DECR1: variants seen among roughly 807,000 people sequenced by gnomAD.
DECR1 encodes the protein 2,4-dienoyl-CoA reductase [(3E)-enoyl-CoA-producing], mitochondrial.
In DECR1, 44 loss-of-function variants were observed where a neutral mutation model predicts 38.8. The ratio of observed to expected loss-of-function variants is 1.13; its 90% confidence interval spans 0.89 to 1.46. The LOEUF (loss-of-function observed/expected upper bound fraction) is 1.46, where lower values mean the gene tolerates loss of function less well. Among genes scored for constraint, DECR1 ranks in the 40% most tolerant of loss-of-function variants. DECR1 has a pLI of 0.00. For synonymous variants in DECR1, 148 were observed against 135.2 expected, an observed-to-expected ratio of 1.09 and a Z score of -0.66; for missense variants, 428 against 405.5, an observed-to-expected ratio of 1.06 and a Z score of -0.48.
rs1813525318 is a variant in DECR1, at chr8:90,032,667, A to G, written c.566-4174A>G. On this transcript the variant is annotated intron_variant, in intron 5 of 9. Transcript: ENST00000220764. ...AACAAGAATATTTTGAAATAAGTAA[A>G]TAATCATGTAATATCTGTAATGTAA... 3.3e-5 allele frequency among the ~76,000 whole-genome samples: 5 copies of G among 152,182 alleles called. No individual in the cohort carries two copies. The South Asian group carries it at 1.0e-3, about 31-fold the overall frequency.
At chr8:90,051,112 A>G (rs1254812391) in intron 8 of DECR1, among the ~76,000 whole-genome samples, 1 of 152,042 alleles carries the variant, frequency 6.6e-6, no homozygotes, top group Non-Finnish European at 1.5e-5. Context: ...AACATGGCAC[A>G]TGTATACATA....
chr8:90,049,101 C>G (rs1331839390), intron 8 of DECR1, among the ~76,000 whole-genome samples: 2 of 152,124 alleles, frequency 1.3e-5, no homozygotes, highest in Non-Finnish European at 2.9e-5. Flanking sequence ...GGAAGCATTC[C>G]CTTTGAAAAC....
In DECR1 at chr8:90,051,692, G is replaced by C; in HGVS notation, c.901G>C (p.Gly301Arg). The C allele has an allele frequency of 6.2e-7, 1 of 1,611,970 alleles. No individual in the cohort carries two copies. The highest frequency in any genetic ancestry group is 1.1e-5 in the South Asian group (1 of 90,922). ...WINGAVIKFDGGEEVLISGEF... is the reference protein window; with the variant it reads ...WINGAVIKFDRGEEVLISGEF... ...TTTTTTCCAGGTCATTAAATTTGAC[G>C]GTGGAGAGGAAGTACTTATTTCAGG... The change falls in exon 9 of 10, where the codon GGT (glycine) becomes CGT (arginine). Residue 301 changes from glycine to arginine, a missense_variant. Coordinates refer to ENST00000220764, the MANE Select transcript of DECR1 (RefSeq NM_001359.2).
In DECR1 at chr8:90,044,887, G is replaced by A; in HGVS notation, c.777G>A (p.Glu259=). Reference sequence around the variant, plus strand: ...GTCTGGACCCAACTGGAACATTTGAGAAAGAAATGATTGGCAGAATTCCCT... The same window carrying A: ...GTCTGGACCCAACTGGAACATTTGAAAAAGAAATGATTGGCAGAATTCCCT... The part of the protein sequence containing the change: ...FSRLDPTGTF[E]KEMIGRIPCG... Residue 259 remains glutamate, a synonymous_variant, in exon 8 of 10, where the codon GAG becomes GAA. Coordinates refer to ENST00000220764, the MANE Select transcript of DECR1 (RefSeq NM_001359.2). 2 of 1,613,400 alleles carry A rather than the reference G, an allele frequency of 1.2e-6. No homozygotes were observed. The highest frequency in any genetic ancestry group is 1.7e-6 in the Non-Finnish European group (2 of 1,179,554).
At position 90,036,826 on chromosome 8, in the gene DECR1, C is replaced by T; in HGVS notation, c.566-15C>T. ...ATCTATATTGCTAATCAACTGTATC[C>T]TTTTAAAATTTCAGGAGCAGCATTT... On this transcript the variant is annotated splice_polypyrimidine_tract_variant and intron_variant, in intron 5 of 9. Transcript: ENST00000220764. 1.3e-6 allele frequency: 2 copies of T among 1,572,446 alleles called. No homozygotes were observed. The highest frequency in any genetic ancestry group is 1.7e-6 in the Non-Finnish European group (2 of 1,144,638).
At chr8:90,032,036 A>T (rs1475346016) in intron 5 of DECR1, among the ~76,000 whole-genome samples, 7 of 152,194 alleles carry the variant, frequency 4.6e-5, no homozygotes, top group Admixed American at 2.0e-4. Context: ...ATAATTTTAT[A>T]ATTCTGTTTT....
At chr8:90,003,946 A>T (rs1165505075) in intron 1 of DECR1, among the ~76,000 whole-genome samples, 2 of 152,056 alleles carry the variant, frequency 1.3e-5, no homozygotes, top group Non-Finnish European at 2.9e-5. Flanking sequence ...CATCTCAAAA[A>T]CAAAAAAATG....
intron 5 of DECR1, among the ~76,000 whole-genome samples, chr8:90,034,496 G>T (rs933461516): frequency 2.6e-5 from 4 of 152,034 alleles, no homozygotes; most frequent in Non-Finnish European, 5.9e-5. Context: ...TTGTCACCCA[G>T]ACTGGAGTGC....
At position 90,015,010 on chromosome 8, in the gene DECR1, G is replaced by T. The variant is rs554338516; in HGVS notation, c.70-2114G>T. On this transcript the variant is annotated intron_variant, in intron 1 of 9. Transcript: ENST00000220764. The stretch of plus-strand genomic sequence containing the variant: ...GAAGCTAAAATAAATATGATGACTG[G>T]CATGGAGCATAACAAGATTTACAAA... 1.1e-3 allele frequency among the ~76,000 whole-genome samples: 174 copies of T among 152,174 alleles called. 1 individual carries two copies. The highest frequency in any genetic ancestry group is 4.0e-3 in the African/African-American group (168 of 41,528).
Position 90,044,715 on chromosome 8 carries a change from A to G in DECR1, c.739-134A>G, listed in dbSNP as rs113136847. The G allele has an allele frequency of 9.5e-3, 7,762 of 814,838 alleles. 57 individuals are homozygous for G. The highest frequency in any genetic ancestry group is 0.012 in the South Asian group (391 of 33,530). The allele number at this position is 814,838 out of a possible 1,614,324, so 50.5% of individuals were successfully genotyped here. ...TTTTTTTTTAAGAATAATTTGGTGA[A>G]ATTCTTTTTTACTTACAAAGCCTAA... On this transcript the variant is annotated intron_variant, in intron 7 of 9. Coordinates refer to ENST00000220764, the MANE Select transcript of DECR1 (RefSeq NM_001359.2).
chr8:90,018,628 A>G, intron 2 of DECR1: 1 of 308,716 alleles, frequency 3.2e-6, no homozygotes, highest in Non-Finnish European at 6.1e-6. Flanking sequence ...CCATGAATAT[A>G]TTTTCTTTGT....
intron 8 of DECR1, among the ~76,000 whole-genome samples, chr8:90,049,578 A>G (rs1368905476): frequency 1.3e-5 from 2 of 152,180 alleles, no homozygotes; most frequent in Non-Finnish European, 2.9e-5. Flanking sequence ...GGAAGAATCA[A>G]TGTGTGAAAA....
intron 1 of DECR1, 60 bp downstream of exon 1, chr8:90,001,621 G>C (rs570829481): frequency 2.0e-6 from 3 of 1,507,602 alleles, no homozygotes; most frequent in Non-Finnish European, 2.7e-6. Flanking sequence ...AAAGAGAGAG[G>C]ACAGGGCGTC....
intron 5 of DECR1, among the ~76,000 whole-genome samples, chr8:90,033,617 A>C (rs534330999): frequency 6.6e-6 from 1 of 152,308 alleles, no homozygotes; most frequent in Non-Finnish European, 1.5e-5. Context: ...GTGCAGTTTC[A>C]AACCTTTATC....
chr8:90,046,643 C>A (rs1264985934), intron 8 of DECR1, among the ~76,000 whole-genome samples: 1 of 152,156 alleles, frequency 6.6e-6, no homozygotes, highest in Non-Finnish European at 1.5e-5. Flanking sequence ...ATTTCCCCAA[C>A]CTACCAACGC....
At chr8:90,022,399 C>T (rs375888130) in intron 5 of DECR1, among the ~76,000 whole-genome samples, 13 of 152,268 alleles carry the variant, frequency 8.5e-5, no homozygotes, top group South Asian at 6.2e-4. Flanking sequence ...TCCATCCTTT[C>T]TATGCACTCA....
chr8:90,050,163 C>G (rs1312849646), intron 8 of DECR1, among the ~76,000 whole-genome samples: 2 of 152,124 alleles, frequency 1.3e-5, no homozygotes, highest in African/African-American at 4.8e-5. Flanking sequence ...CCACAAAAGC[C>G]AAAATAGACA....
At chr8:90,038,376 G>A (rs1813666679) in intron 6 of DECR1, among the ~76,000 whole-genome samples, 1 of 151,546 alleles carries the variant, frequency 6.6e-6, no homozygotes, top group Non-Finnish European at 1.5e-5. Flanking sequence ...CTAGTGAGAG[G>A]ACAAACACTA....
chr8:90,001,609 G>T (rs373841087), intron 1 of DECR1, 48 bp downstream of exon 1: 339 of 1,549,384 alleles, frequency 2.2e-4, no homozygotes, highest in Non-Finnish European at 2.9e-4. Flanking sequence ...GTCTCGACGC[G>T]CAAAGAGAGA....
Sources: gnomAD v4.1 joint callset for allele counts (sites outside exome capture counted in the v4.1 genomes callset) on GRCh38, gnomAD v4.1.1 for gene constraint, MANE v1.5 for transcripts, NCBI Gene and HGNC (gene_info 2026-07-23, HGNC 2026-07-21) for gene names.